The following PREX1 variants were observed in gnomAD, a reference collection of about 807,000 sequenced individuals.
PREX1 encodes the protein phosphatidylinositol-3,4,5-trisphosphate dependent Rac exchange factor 1, also known as phosphatidylinositol 3,4,5-trisphosphate-dependent Rac exchanger 1 protein.
Under a neutral mutation model 198.3 loss-of-function variants are expected in PREX1, and 41 were observed. That is an observed-to-expected ratio of 0.21 (90% CI 0.16 to 0.27). The LOEUF (loss-of-function observed/expected upper bound fraction) is 0.27. Ranked by LOEUF, PREX1 falls within the 10% of genes least tolerant of loss-of-function variation. The pLI is 1.00. For synonymous variants in PREX1, 843 were observed against 887.2 expected, an observed-to-expected ratio of 0.95 and a Z score of 0.89; for missense variants, 1,620 against 2,200.7, an observed-to-expected ratio of 0.74 and a Z score of 5.28.
chr20:48,799,361 T>G (rs750085), intron 1 of PREX1, among the ~76,000 whole-genome samples: 1 of 151,976 alleles, frequency 6.6e-6, no homozygotes, highest in African/African-American at 2.4e-5. Flanking sequence ...CACAAGGACA[T>G]GCAGACAGGC....
At chr20:48,873,707 C>T in the PREX1 span, among the ~76,000 whole-genome samples, 1 of 151,316 alleles carries the variant, frequency 6.6e-6, no homozygotes, top group African/African-American at 2.4e-5. Context: ...ATGACAATAG[C>T]GAGACTCTGT....
intron 39 of PREX1, among the ~76,000 whole-genome samples, chr20:48,626,177 G>A (rs2122791734): frequency 6.6e-6 from 1 of 152,332 alleles, no homozygotes; most frequent in East Asian, 1.9e-4. Context: ...GTGCACGTGT[G>A]CGTTCAGCCA....
chr20:48,665,793 AC>A (rs990997004), intron 15 of PREX1, among the ~76,000 whole-genome samples: 6 of 151,508 alleles, frequency 4.0e-5, no homozygotes, highest in Non-Finnish European at 8.8e-5. Context: ...CTCAGAACTC[AC>A]CCCCCAATAC....
At chr20:48,855,636 C>T in the PREX1 span, among the ~76,000 whole-genome samples, 20 of 152,284 alleles carry the variant, frequency 1.3e-4, no homozygotes, top group South Asian at 2.1e-4. Flanking sequence ...CAGTGGCTCA[C>T]GCCTGTAATC....
intron 9 of PREX1, among the ~76,000 whole-genome samples, chr20:48,689,567 G>A (rs1299918107): frequency 1.3e-5 from 2 of 151,956 alleles, no homozygotes; most frequent in Admixed American, 6.6e-5. Flanking sequence ...GACCCACTTG[G>A]GCCACATCCC....
chr20:48,652,564 C>A, intron 21 of PREX1, 22 bp downstream of exon 21: 1 of 1,591,624 alleles, frequency 6.3e-7, no homozygotes, highest in South Asian at 1.1e-5. Context: ...AAGCTCCTGT[C>A]ATGCCATGCC....
At chr20:48,887,454 T>C in the PREX1 span, among the ~76,000 whole-genome samples, 1 of 151,986 alleles carries the variant, frequency 6.6e-6, no homozygotes, top group African/African-American at 2.4e-5. Flanking sequence ...ACCCTGTCTC[T>C]ACAAAATATA....
chr20:48,733,109 T>C (rs1030345129), intron 4 of PREX1, among the ~76,000 whole-genome samples: 11 of 152,206 alleles, frequency 7.2e-5, no homozygotes, highest in African/African-American at 2.7e-4. Flanking sequence ...CAGATAGTGG[T>C]TTGAAAGGCT....
intron 1 of PREX1, among the ~76,000 whole-genome samples, chr20:48,793,743 C>T (rs562891630): frequency 4.6e-5 from 7 of 152,310 alleles, no homozygotes; most frequent in Admixed American, 6.5e-5. Context: ...TGATCCCTCT[C>T]GGGTCCCCAA....
chr20:48,743,839 G>A (rs933936519), intron 3 of PREX1, among the ~76,000 whole-genome samples: 5 of 152,218 alleles, frequency 3.3e-5, no homozygotes, highest in Non-Finnish European at 5.9e-5. Flanking sequence ...GAGAGTGGCT[G>A]GCCCTTGGCT....
chr20:48,696,798 T>A (rs1318897051), intron 7 of PREX1, among the ~76,000 whole-genome samples: 2 of 152,102 alleles, frequency 1.3e-5, no homozygotes, highest in Non-Finnish European at 2.9e-5. Flanking sequence ...GATTCTGGCT[T>A]CGGCTCCTGG....
At position 48,661,419 on chromosome 20, in the gene PREX1, C is replaced by CAAA. The variant is rs1168247790; in HGVS notation, c.1739-1361_1739-1359dup. On this transcript the variant is annotated intron_variant, in intron 15 of 39. Coordinates refer to ENST00000371941, the MANE Select transcript of PREX1 (RefSeq NM_020820.4). The stretch of plus-strand genomic sequence containing the variant: ...GGGCAACAAGAGCAAAACTCCATCT[C>CAAA]AAAAAAAAAAAAAAAAAAAAAAAAA... Among the ~76,000 whole-genome samples the CAAA allele has an allele frequency of 9.6e-3, 116 of 12,026 alleles. 14 individuals are homozygous for CAAA. The highest frequency in any genetic ancestry group is 0.021 in the East Asian group (5 of 236). 7.9% of individuals were successfully genotyped at this position (12,026 alleles called of 152,430 possible).
chr20:48,868,747 TACAA>T, the PREX1 span, among the ~76,000 whole-genome samples: 1 of 152,238 alleles, frequency 6.6e-6, no homozygotes, highest in Admixed American at 6.5e-5. Context: ...TTTATAATTA[TACAA>T]ACAAATAGTA....
chr20:48,792,815 A>AAACACAC (rs1555845875), intron 1 of PREX1, among the ~76,000 whole-genome samples: 2 of 75,844 alleles, frequency 2.6e-5, no homozygotes, highest in Non-Finnish European at 4.8e-5. Flanking sequence ...AAAAAAAAAA[A>AAACACAC]ATACACACAC....
chr20:48,777,093 C>A (rs558153148), intron 1 of PREX1, among the ~76,000 whole-genome samples: 45 of 152,244 alleles, frequency 3.0e-4, no homozygotes, highest in Non-Finnish European at 1.5e-5. Flanking sequence ...TATTTAGCAA[C>A]TGGGAAGTGA....
chr20:48,679,043 A>G (rs1035879605), intron 13 of PREX1, among the ~76,000 whole-genome samples: 4 of 152,228 alleles, frequency 2.6e-5, no homozygotes, highest in Non-Finnish European at 5.9e-5. Context: ...GCCCATTATT[A>G]TCCCCATTTC....
rs1337343308 is a variant in PREX1, at chr20:48,827,347, A to G, written c.219+295T>C. ...AGCCCCTGCATCGCGGATGTAACTA[A>G]TTTTAAAACTATTTGAAAGGCGGGG... On this transcript the variant is annotated intron_variant, in intron 1 of 39. Transcript: ENST00000371941. This position sits in a 1 kb window ranked among gnomAD's most constrained non-coding sequence, Gnocchi z 4.1. Among the ~76,000 whole-genome samples, 1 of 152,128 alleles carries G rather than the reference A, an allele frequency of 6.6e-6. No homozygotes were observed. Among genetic ancestry groups the G allele is most frequent in the Non-Finnish European group, 1.5e-5 (1 of 68,008 alleles).
chr20:48,854,723 C>A, the PREX1 span, among the ~76,000 whole-genome samples: 2 of 152,122 alleles, frequency 1.3e-5, no homozygotes, highest in African/African-American at 4.8e-5. Context: ...GGCCGAGGCC[C>A]AAAACAGGTA....
At chr20:48,626,885 T>C (rs2089276819) in intron 39 of PREX1, among the ~76,000 whole-genome samples, 1 of 151,918 alleles carries the variant, frequency 6.6e-6, no homozygotes, top group Non-Finnish European at 1.5e-5. Flanking sequence ...GCTGTGGAGA[T>C]GGAGAGAGGA....
Sources: allele counts gnomAD v4.1 joint callset (sites outside exome capture counted in the v4.1 genomes callset), GRCh38; gene constraint gnomAD v4.1.1; non-coding constraint Gnocchi (gnomAD v3.1); transcripts MANE v1.5; gene names NCBI Gene and HGNC (gene_info 2026-07-23, HGNC 2026-07-21).